The following RASGRF1 variants were observed in gnomAD, a reference collection of about 807,000 sequenced individuals.
The protein encoded by RASGRF1 is ras-specific guanine nucleotide-releasing factor 1.
Under a neutral mutation model 138.7 loss-of-function variants are expected in RASGRF1, and 40 were observed. That is an observed-to-expected ratio of 0.29 (90% confidence interval 0.22 to 0.38). The LOEUF is 0.38. Ranked by LOEUF, RASGRF1 falls within the 10% of genes least tolerant of loss-of-function variation. The probability of loss-of-function intolerance (pLI) is 1.00; values close to 1 mark genes in which losing one functional copy is unlikely to be tolerated. For missense variants in RASGRF1, 1,108 were observed against 1,650.4 expected (o/e 0.67, Z 5.69); for synonymous variants, 614 against 663.2 (o/e 0.93, Z 1.14).
intron 1 of RASGRF1, among the ~76,000 whole-genome samples, chr15:79,083,109 G>A (rs1036361403): frequency 3.3e-4 from 50 of 152,176 alleles, no homozygotes; most frequent in Admixed American, 2.6e-3. Flanking sequence ...ATCTAATGCC[G>A]GGTCGCCATG....
At chr15:79,003,565 G>A (rs1161775963) in intron 15 of RASGRF1, among the ~76,000 whole-genome samples, 1 of 152,244 alleles carries the variant, frequency 6.6e-6, no homozygotes, top group East Asian at 1.9e-4. Flanking sequence ...CTAAAGTGTG[G>A]CGATGCCCTG....
chr15:78,985,313 T>C (rs939749278), intron 22 of RASGRF1, 109 bp from the exon 23 acceptor site: 11 of 1,185,490 alleles, frequency 9.3e-6, no homozygotes, highest in East Asian at 2.4e-5. Context: ...CAAGAAGGAA[T>C]TGGAAAACTA....
At chr15:78,978,630 G>T (rs1009989309) in intron 24 of RASGRF1, 2 of 999,992 alleles carry the variant, frequency 2.0e-6, no homozygotes, top group Non-Finnish European at 2.4e-6. Flanking sequence ...CTCTGGGGAG[G>T]TCATTGGCTA....
At chr15:79,076,521 C>T (rs1308978931) in intron 1 of RASGRF1, among the ~76,000 whole-genome samples, 2 of 152,204 alleles carry the variant, frequency 1.3e-5, no homozygotes, top group Non-Finnish European at 2.9e-5. Context: ...CCATCTGAGG[C>T]TCCTGGGAAT....
chr15:79,036,346 G>T (rs2057222012), intron 5 of RASGRF1, among the ~76,000 whole-genome samples: 1 of 152,174 alleles, frequency 6.6e-6, no homozygotes. Context: ...TGAGCCTTTG[G>T]GCCGGACCCT....
At chr15:79,063,317 T>A (rs1486665645) in intron 2 of RASGRF1, among the ~76,000 whole-genome samples, 2 of 152,218 alleles carry the variant, frequency 1.3e-5, no homozygotes, top group African/African-American at 2.4e-5. Flanking sequence ...GAACTAGAGA[T>A]GGCCTTATCT....
At position 79,090,637 on chromosome 15, in the gene RASGRF1, A is replaced by T; in HGVS notation, c.-139T>A. On this transcript the variant is annotated 5_prime_UTR_variant, in exon 1 of 27. It removes the in-frame stop codon of an upstream open reading frame in the 5' UTR. Transcript: ENST00000558480. Reference sequence around the variant, plus strand: ...AGCTCTCCCCTCCCCCCAAATATCTACACTCCAGGATCTGGCGCCGAGCCG... The same window carrying T: ...AGCTCTCCCCTCCCCCCAAATATCTTCACTCCAGGATCTGGCGCCGAGCCG... 1 of 1,190,176 alleles carries T rather than the reference A, an allele frequency of 8.4e-7. No individual in the cohort carries two copies. The highest frequency in any genetic ancestry group is 1.2e-6 in the Non-Finnish European group (1 of 851,812). 73.7% of individuals were successfully genotyped at this position (1,190,176 alleles called of 1,614,324 possible).
chr15:79,058,254 G>A, intron 3 of RASGRF1, 80 bp downstream of exon 3: 17 of 1,537,642 alleles, frequency 1.1e-5, no homozygotes, highest in Non-Finnish European at 1.5e-5. Context: ...TGCCTGTCAT[G>A]TGGCTCCCCA....
At chr15:79,000,921 C>T (rs868815070) in intron 16 of RASGRF1, among the ~76,000 whole-genome samples, 6 of 152,240 alleles carry the variant, frequency 3.9e-5, no homozygotes, top group African/African-American at 9.6e-5. Flanking sequence ...AGGCTGCAGG[C>T]GGCCCTTTGC....
intron 3 of RASGRF1, 55 bp downstream of exon 3, chr15:79,058,273 GGAGCCC>G: frequency 6.4e-7 from 1 of 1,568,358 alleles, no homozygotes; most frequent in Non-Finnish European, 8.6e-7. Context: ...CAATCCTGCA[GGAGCCC>G]AGGGTTTGAG....
intron 13 of RASGRF1, among the ~76,000 whole-genome samples, chr15:79,008,344 T>C (rs554581236): frequency 6.6e-6 from 1 of 152,228 alleles, no homozygotes; most frequent in South Asian, 2.1e-4. Flanking sequence ...GAGAACAATA[T>C]GGGAAAAGCA....
intron 26 of RASGRF1, among the ~76,000 whole-genome samples, chr15:78,965,392 A>G (rs896493855): frequency 2.6e-5 from 4 of 151,912 alleles, no homozygotes; most frequent in Non-Finnish European, 5.9e-5. Context: ...CCCCCTCAAC[A>G]GGCCCTCAAA....
chr15:79,081,923 C>T (rs1283136988), intron 1 of RASGRF1, among the ~76,000 whole-genome samples: 2 of 152,202 alleles, frequency 1.3e-5, no homozygotes, highest in Admixed American at 1.3e-4. Context: ...GGCCAAAATG[C>T]TTCTGTGACA....
intron 5 of RASGRF1, among the ~76,000 whole-genome samples, chr15:79,040,133 C>T (rs1485110877): frequency 1.3e-5 from 2 of 152,096 alleles, no homozygotes; most frequent in South Asian, 4.1e-4. Flanking sequence ...ACCCTGACCT[C>T]GGGTCTACCC....
chr15:78,980,556 G>A lies in RASGRF1; in HGVS notation c.3494+64C>T. On this transcript the variant is annotated intron_variant, in intron 24 of 26. Transcript: ENST00000558480. The stretch of plus-strand genomic sequence containing the variant: ...CCTGCTCTGGCTGGGGGCGGCACGT[G>A]AATGCCTCTGCAATGCAGGTCTATG... 3 of 1,365,970 alleles carry A rather than the reference G, an allele frequency of 2.2e-6. No homozygotes were observed. The South Asian group carries it at 3.8e-5, about 17-fold the overall frequency. The allele number at this position is 1,365,970 out of a possible 1,614,324, so 84.6% of individuals were successfully genotyped here.
intron 15 of RASGRF1, among the ~76,000 whole-genome samples, chr15:79,002,468 C>G (rs1448284085): frequency 6.6e-6 from 1 of 152,180 alleles, no homozygotes; most frequent in Admixed American, 6.5e-5. Context: ...CTTGAGAACA[C>G]AAAGCCACAG....
chr15:78,997,843 G>A, intron 19 of RASGRF1: 1 of 502,712 alleles, frequency 2.0e-6, no homozygotes, highest in Non-Finnish European at 3.6e-6. Flanking sequence ...ACATGGAGAA[G>A]TGTGCTGGGT....
At chr15:79,031,095 G>A (rs533792549) in intron 8 of RASGRF1, among the ~76,000 whole-genome samples, 17 of 152,346 alleles carry the variant, frequency 1.1e-4, no homozygotes, top group Non-Finnish European at 1.9e-4. Flanking sequence ...CTGGAGAGCA[G>A]AGAGTGCCTG....
chr15:78,962,277 G>T, intron 26 of RASGRF1, 41 bp from the exon 27 acceptor site: 1 of 1,313,020 alleles, frequency 7.6e-7, no homozygotes, highest in South Asian at 1.3e-5. Flanking sequence ...AGGGTTGTGG[G>T]ACCTCCATAG....
Sources: gnomAD v4.1 joint callset for allele counts (sites outside exome capture counted in the v4.1 genomes callset) on GRCh38, gnomAD v4.1.1 for gene constraint, MANE v1.5 for transcripts, NCBI Gene and HGNC (gene_info 2026-07-23, HGNC 2026-07-21) for gene names.